ARFRP1: variants seen among roughly 807,000 people sequenced by gnomAD.
ARFRP1 encodes the protein ARF related protein 1.
A neutral mutation model predicts 30.3 loss-of-function variants in ARFRP1; 19 were observed. The observed-to-expected ratio is 0.63, with a 90% CI of 0.44 to 0.92. The LOEUF (loss-of-function observed/expected upper bound fraction) is 0.92, where lower values mean the gene tolerates loss of function less well. Among genes scored for constraint, ARFRP1 ranks in the 40% least tolerant of loss-of-function variants. The pLI is 0.00. For synonymous variants in ARFRP1, 133 were observed against 114.2 expected (o/e 1.16, Z -1.05); for missense variants, 245 against 267.5 (o/e 0.92, Z 0.59).
In ARFRP1 at chr20:63,705,543, CTG is replaced by C. The variant is rs1449197324; in HGVS notation, c.264+812_264+813del. 5.9e-5 allele frequency: 27 copies of C among 457,718 alleles called. No homozygotes were observed. In the East Asian group the frequency reaches 1.5e-3, roughly 26 times the overall value. 28.4% of individuals were successfully genotyped at this position (457,718 alleles called of 1,614,324 possible). A position where few individuals can be genotyped will look rare whatever the true frequency, so the allele number is the denominator to read the frequency against. On this transcript the variant is annotated intron_variant, in intron 4 of 7. Transcript: ENST00000622789. ...CTGGGATCTCAGAAATGCCCAAAAC[CTG>C]TGTCAAAATAGGAGACTGCCGCTGT...
At chr20:63,707,240 T>C in intron 1 of ARFRP1, 143 bp from the exon 2 acceptor site, 1 of 652,488 alleles carries the variant, frequency 1.5e-6, no homozygotes, top group Non-Finnish European at 2.7e-6. Flanking sequence ...CTCGTCCCTC[T>C]CCCACCCCGT....
intron 4 of ARFRP1, chr20:63,705,968 C>T (rs1379453042): frequency 1.5e-5 from 5 of 336,044 alleles, no homozygotes; most frequent in South Asian, 4.8e-5. Context: ...GAACCCAGAT[C>T]CCCCCCGGCT....
intron 2 of ARFRP1, 81 bp from the exon 3 acceptor site, chr20:63,706,819 A>G: frequency 7.4e-7 from 1 of 1,348,782 alleles, no homozygotes; most frequent in East Asian, 2.3e-5. Context: ...TCTGTTCTTT[A>G]AAAGACAGAA....
At chr20:63,700,860 A>T in intron 6 of ARFRP1, 158 bp from the exon 7 acceptor site, 1 of 1,010,756 alleles carries the variant, frequency 9.9e-7, no homozygotes, top group Non-Finnish European at 1.4e-6. Flanking sequence ...AGCAGTGAGG[A>T]CCCTGTGCTC....
chr20:63,703,003 C>T (rs935537677), intron 4 of ARFRP1: 1 of 152,298 alleles, frequency 6.6e-6, no homozygotes, highest in African/African-American at 2.4e-5. Context: ...CCTGCAGCCT[C>T]AGGTACAAGT....
intron 4 of ARFRP1, chr20:63,705,826 C>G (rs755781750): frequency 3.9e-6 from 2 of 506,532 alleles, no homozygotes; most frequent in Admixed American, 2.1e-5. Flanking sequence ...ACCTCTCTGA[C>G]TTGGCCAGCG....
chr20:63,703,552 C>T (rs894210081), intron 4 of ARFRP1: 1 of 152,280 alleles, frequency 6.6e-6, no homozygotes, highest in African/African-American at 2.4e-5. Flanking sequence ...GCCGCCAACC[C>T]CTCAAGGGAC....
chr20:63,702,137 A>C lies in ARFRP1; in HGVS notation c.345T>G (p.Phe115Leu). The C allele has an allele frequency of 6.2e-7, 1 of 1,611,170 alleles. No individual in the cohort carries two copies. The change falls in exon 5 of 8, where the codon TTT becomes TTG. Residue 115 changes from phenylalanine (F) to leucine (L), a missense_variant and splice_region_variant. By Grantham distance (22) the Phe-to-Leu change is conservative. Transcript: ENST00000622789. ...CCAGAGCAGCCAGGCCGCACTCACC[A>C]AACGCCTGCTTGGACTCAGCCAGCC... is the stretch of plus-strand genomic sequence containing the variant. ...EERLAESKQA[F>L]EKVVTSEALC...
In ARFRP1 at chr20:63,699,971, C is replaced by T. The variant is rs577666963; in HGVS notation, c.*472G>A. On this transcript the variant is annotated 3_prime_UTR_variant, in exon 8 of 8. Coordinates refer to ENST00000622789, the MANE Select transcript of ARFRP1 (RefSeq NM_001267547.3). ...GGGTCTTCCTCAAGGCAAGATCAGC[C>T]CCAGACCACTTCCGGGGTCACGGGG... 1.3e-5 allele frequency: 3 copies of T among 224,010 alleles called. No homozygotes were observed. The highest frequency in any genetic ancestry group is 1.2e-4 in the East Asian group (1 of 8,324). The allele number at this position is 224,010 out of a possible 1,614,324, so 13.9% of individuals were successfully genotyped here.
At position 63,706,994 on chromosome 20, in the gene ARFRP1, C is replaced by G; in HGVS notation, c.93+5G>C. On this transcript the variant is annotated splice_donor_5th_base_variant and intron_variant, in intron 2 of 7. Transcript: ENST00000622789. ...AAAGGTGCGCGCAAGGGCGTGGGCA[C>G]TCACCGTCTTCCCAGCATTGTCCAG... 6.2e-7 allele frequency: 1 copy of G among 1,613,606 alleles called. No homozygotes were observed. Among genetic ancestry groups the G allele is most frequent in the Non-Finnish European group, 8.5e-7 (1 of 1,179,960 alleles).
rs1176103330 is a variant in ARFRP1 at position 63,707,891 on chromosome 20, C to G, written c.-31G>C. 1.3e-5 allele frequency: 2 copies of G among 152,966 alleles called. No individual in the cohort carries two copies. Among genetic ancestry groups the G allele is most frequent in the East Asian group, 3.9e-4 (2 of 5,182 alleles). The allele number at this position is 152,966 out of a possible 1,614,324, so 9.5% of individuals were successfully genotyped here. A position where few individuals can be genotyped will look rare whatever the true frequency, so the allele number is the denominator to read the frequency against. ...CCTGCGTCCGCCGCGCCCTCGGAGC[C>G]GCTGCTGCTGACCCCCGCTGACCTC... is the stretch of plus-strand genomic sequence containing the variant. On this transcript the variant is annotated 5_prime_UTR_variant, in exon 1 of 8. Transcript: ENST00000622789.
rs1568744814 is a variant in ARFRP1, at chr20:63,700,360, C to G, written c.*83G>C. The stretch of plus-strand genomic sequence containing the variant: ...CCCCAAAGCAAAGCAAACCCACCCC[C>G]CAGATCAGCAGCATGGGAGCCAACA... On this transcript the variant is annotated 3_prime_UTR_variant, in exon 8 of 8. Transcript: ENST00000622789. 5.1e-6 allele frequency: 8 copies of G among 1,577,158 alleles called. No individual in the cohort carries two copies. Among genetic ancestry groups the G allele is most frequent in the Non-Finnish European group, 8.6e-7 (1 of 1,163,244 alleles).
rs1343523673 is a variant in ARFRP1, at chr20:63,702,129, C to T, written c.346+7G>A. 2.5e-6 allele frequency: 4 copies of T among 1,610,240 alleles called. No individual in the cohort carries two copies. The highest frequency in any genetic ancestry group is 3.4e-6 in the Non-Finnish European group (4 of 1,179,282). On this transcript the variant is annotated splice_region_variant and intron_variant, in intron 5 of 7. Coordinates refer to ENST00000622789, the MANE Select transcript of ARFRP1 (RefSeq NM_001267547.3). Reference sequence around the variant, plus strand: ...CATCCCTCCCAGAGCAGCCAGGCCGCACTCACCAAACGCCTGCTTGGACTC... The same window carrying T: ...CATCCCTCCCAGAGCAGCCAGGCCGTACTCACCAAACGCCTGCTTGGACTC...
intron 5 of ARFRP1, 98 bp from the exon 6 acceptor site, chr20:63,701,998 G>GGCCCCCCCCCCCCC: frequency 1.4e-5 from 8 of 585,730 alleles, no homozygotes; most frequent in South Asian, 4.3e-5. Context: ...CACTCCCTCT[G>GGCCCCCCCCCCCCC]CCCCCCCCCC....
Position 63,701,781 on chromosome 20 carries a change from G to A in ARFRP1, c.417+49C>T, listed in dbSNP as rs536996145. 9.2e-6 allele frequency: 14 copies of A among 1,520,324 alleles called. No homozygotes were observed. The African/African-American group carries it at 1.7e-4, about 18-fold the overall frequency. 94.2% of individuals were successfully genotyped at this position (1,520,324 alleles called of 1,614,324 possible). On this transcript the variant is annotated intron_variant, in intron 6 of 7. Coordinates refer to ENST00000622789, the MANE Select transcript of ARFRP1 (RefSeq NM_001267547.3). ...CACACCTGCTCCCCTTGCTGTGGGG[G>A]AGGCTGGGGACTCGGGAAGCTGCTG...
At chr20:63,706,461 C>T (rs1301237356) in intron 3 of ARFRP1, 22 bp from the exon 4 acceptor site, 5 of 1,610,932 alleles carry the variant, frequency 3.1e-6, no homozygotes, top group Non-Finnish European at 1.7e-6. Context: ...AGGAAACAGG[C>T]AAGGCTCATG....
In ARFRP1 at chr20:63,701,815, A is replaced by G; in HGVS notation, c.417+15T>C. ...GACTCGGGAAGCTGCTGCGGGAGGC[A>G]GGGGTGGGGCTCACCTCCACATCCT... On this transcript the variant is annotated intron_variant, in intron 6 of 7. Transcript: ENST00000622789. 6.5e-7 allele frequency: 1 copy of G among 1,549,034 alleles called. No individual in the cohort carries two copies. Among genetic ancestry groups the G allele is most frequent in the Middle Eastern group, 1.8e-4 (1 of 5,700 alleles).
rs1293946475 is a variant in ARFRP1 at position 63,699,981 on chromosome 20, T to G, written c.*462A>C. 2.3e-5 allele frequency: 5 copies of G among 221,836 alleles called. No individual in the cohort carries two copies. Among genetic ancestry groups the G allele is most frequent in the African/African-American group, 4.6e-5 (2 of 43,678 alleles). 13.7% of individuals were successfully genotyped at this position (221,836 alleles called of 1,614,324 possible). On this transcript the variant is annotated 3_prime_UTR_variant, in exon 8 of 8. Transcript: ENST00000622789. Reference sequence around the variant, plus strand: ...CAAGGCAAGATCAGCCCCAGACCACTTCCGGGGTCACGGGGTCACGGGGTC... The same window carrying G: ...CAAGGCAAGATCAGCCCCAGACCACGTCCGGGGTCACGGGGTCACGGGGTC...
intron 6 of ARFRP1, 54 bp downstream of exon 6, chr20:63,701,776 T>TG: frequency 6.7e-7 from 1 of 1,490,006 alleles, no homozygotes; most frequent in Non-Finnish European, 9.1e-7. Flanking sequence ...CCCCTTGCTG[T>TG]GGGGGAGGCT....
Sources: allele counts gnomAD v4.1 joint callset, GRCh38; gene constraint gnomAD v4.1.1; transcripts MANE v1.5; gene names NCBI Gene and HGNC (gene_info 2026-07-23, HGNC 2026-07-21).